The following CFAP61 variants were observed in gnomAD, a reference collection of about 807,000 sequenced individuals.
CFAP61 encodes the protein cilia and flagella associated protein 61.
In CFAP61, 107 loss-of-function variants were observed where a neutral mutation model predicts 135.6. The observed-to-expected ratio is 0.79, with a 90% confidence interval of 0.67 to 0.93. The LOEUF (loss-of-function observed/expected upper bound fraction) is 0.93. Ranked by LOEUF, CFAP61 falls within the 40% of genes least tolerant of loss-of-function variation. The pLI is 0.00. For missense variants in CFAP61, 1,507 were observed against 1,556.2 expected (o/e 0.97, Z 0.53); for synonymous variants, 575 against 578.5 (o/e 0.99, Z 0.09).
chr20:20,137,489 G>A (rs1004632162), intron 8 of CFAP61, among the ~76,000 whole-genome samples: 13 of 152,112 alleles, frequency 8.5e-5, no homozygotes, highest in African/African-American at 1.9e-4. Flanking sequence ...TCTTCCCTCC[G>A]TTTTTCCCAT....
chr20:20,335,531 T>C (rs1312893536), intron 25 of CFAP61, among the ~76,000 whole-genome samples: 1 of 152,228 alleles, frequency 6.6e-6, no homozygotes, highest in Non-Finnish European at 1.5e-5. Flanking sequence ...GAACTCTCCT[T>C]AGAAGAAAGG....
At chr20:20,063,125 A>G (rs774162454) in intron 2 of CFAP61, among the ~76,000 whole-genome samples, 6 of 152,238 alleles carry the variant, frequency 3.9e-5, no homozygotes, top group Non-Finnish European at 8.8e-5. Context: ...TGGTCGGCAC[A>G]AGTGCCTTTA....
intron 21 of CFAP61, among the ~76,000 whole-genome samples, chr20:20,276,304 A>G (rs889044062): frequency 6.6e-6 from 1 of 152,228 alleles, no homozygotes; most frequent in African/African-American, 2.4e-5. Context: ...ATTTTGTGGT[A>G]AAATTGGTAT....
At chr20:20,081,445 A>G (rs2046423009) in intron 6 of CFAP61, among the ~76,000 whole-genome samples, 1 of 152,230 alleles carries the variant, frequency 6.6e-6, no homozygotes, top group Non-Finnish European at 1.5e-5. Context: ...TGACATGTAT[A>G]GAAGCAGCCC....
At chr20:20,098,897 A>G in intron 8 of CFAP61, 83 bp downstream of exon 8, 2 of 1,231,060 alleles carry the variant, frequency 1.6e-6, no homozygotes. Context: ...TGATGGAACT[A>G]GATAGGATGC....
chr20:20,323,408 C>T, intron 25 of CFAP61: 1 of 549,202 alleles, frequency 1.8e-6, no homozygotes, highest in Non-Finnish European at 2.3e-6. Context: ...AAATAATAGA[C>T]CCATCTCTTA....
rs185794683 is a variant in CFAP61 at position 20,071,766 on chromosome 20, G to A, written c.294+762G>A. Among the ~76,000 whole-genome samples the A allele has an allele frequency of 7.2e-5, 11 of 152,222 alleles. No individual in the cohort carries two copies. The East Asian group carries it at 1.4e-3, about 19-fold the overall frequency. On this transcript the variant is annotated intron_variant, in intron 3 of 26. Coordinates refer to ENST00000245957, the MANE Select transcript of CFAP61 (RefSeq NM_015585.4). ...TGAATGTGCACACATACACACACCCGTAAGCATATTATTCAGCATTTATTT... is the reference window on the plus strand; with the variant it reads ...TGAATGTGCACACATACACACACCCATAAGCATATTATTCAGCATTTATTT...
At chr20:20,245,644 C>CT (rs1434797369) in intron 18 of CFAP61, among the ~76,000 whole-genome samples, 6 of 151,940 alleles carry the variant, frequency 3.9e-5, no homozygotes, top group African/African-American at 1.5e-4. Context: ...TCAGTTCCAC[C>CT]TAAAAAAAAT....
chr20:20,129,460 G>C (rs1291721658), intron 8 of CFAP61, among the ~76,000 whole-genome samples: 1 of 151,672 alleles, frequency 6.6e-6, no homozygotes, highest in Non-Finnish European at 1.5e-5. Context: ...CTCTGTACTT[G>C]CTTCTTTTCC....
At chr20:20,286,622 C>G (rs2147059996) in intron 22 of CFAP61, among the ~76,000 whole-genome samples, 1 of 152,296 alleles carries the variant, frequency 6.6e-6, no homozygotes, top group East Asian at 1.9e-4. Flanking sequence ...CTATTTGTAC[C>G]CAATATGTAG....
intron 8 of CFAP61, among the ~76,000 whole-genome samples, chr20:20,102,790 C>T (rs2048122339): frequency 1.3e-5 from 2 of 152,096 alleles, no homozygotes; most frequent in African/African-American, 4.8e-5. Flanking sequence ...TGCTTATTCT[C>T]AAGCTCTTCT....
At position 20,211,382 on chromosome 20, in the gene CFAP61, G is replaced by A. The variant is rs79812947; in HGVS notation, c.1932+11480G>A. ...ATTCTCCAGGGTTGAGCCACTTTAA[G>A]TATCAAAACTTTTAGTCTGAATGTT... On this transcript the variant is annotated intron_variant, in intron 17 of 26. Coordinates refer to ENST00000245957, the MANE Select transcript of CFAP61 (RefSeq NM_015585.4). Among the ~76,000 whole-genome samples the A allele has an allele frequency of 3.0e-3, 464 of 152,338 alleles. 2 individuals are homozygous for A. Among genetic ancestry groups the A allele is most frequent in the East Asian group, 0.025 (130 of 5,182 alleles).
intron 19 of CFAP61, among the ~76,000 whole-genome samples, chr20:20,246,697 A>G (rs982505262): frequency 1.3e-5 from 2 of 152,242 alleles, no homozygotes; most frequent in African/African-American, 4.8e-5. Context: ...TCTGTTCTGG[A>G]AAATACCATG....
chr20:20,346,314 C>T (rs112787038), intron 26 of CFAP61, among the ~76,000 whole-genome samples: 2,024 of 150,106 alleles, frequency 0.013, 19 homozygotes, highest in Non-Finnish European at 0.022. Flanking sequence ...GTCAGGAGTT[C>T]GAGACCAGTC....
chr20:20,173,604 G>A (rs1159678837), intron 13 of CFAP61, among the ~76,000 whole-genome samples: 1 of 152,158 alleles, frequency 6.6e-6, no homozygotes, highest in Admixed American at 6.6e-5. Context: ...ATTTTTAAAT[G>A]GGTTATTTCT....
chr20:20,111,516 A>G (rs2146670253), intron 8 of CFAP61, among the ~76,000 whole-genome samples: 1 of 152,314 alleles, frequency 6.6e-6, no homozygotes, highest in Non-Finnish European at 1.5e-5. Flanking sequence ...CATAAAGTCA[A>G]CCTTATTTCC....
chr20:20,147,992 A>G (rs1399891489), intron 9 of CFAP61, among the ~76,000 whole-genome samples: 1 of 152,092 alleles, frequency 6.6e-6, no homozygotes, highest in Non-Finnish European at 1.5e-5. Context: ...TCTCAGCACT[A>G]TTTGTTGAAT....
At chr20:20,082,456 A>G (rs1018311062) in intron 6 of CFAP61, among the ~76,000 whole-genome samples, 1 of 152,230 alleles carries the variant, frequency 6.6e-6, no homozygotes, top group Non-Finnish European at 1.5e-5. Flanking sequence ...GAAATAAAGC[A>G]TAGCTACTTC....
chr20:20,316,779 G>C (rs893069199), intron 25 of CFAP61: 13 of 150,816 alleles, frequency 8.6e-5, no homozygotes, highest in Admixed American at 7.2e-4. Flanking sequence ...CTACTCGGGA[G>C]GCTGAGGCAT....
Sources: allele counts gnomAD v4.1 joint callset (sites outside exome capture counted in the v4.1 genomes callset), GRCh38; gene constraint gnomAD v4.1.1; transcripts MANE v1.5; gene names NCBI Gene and HGNC (gene_info 2026-07-23, HGNC 2026-07-21).